MSH6: variants seen among roughly 807,000 people sequenced by gnomAD.
The protein encoded by MSH6 is DNA mismatch repair protein Msh6.
MSH6 carries 85 observed loss-of-function variants against 119.1 expected under a neutral mutation model. The ratio of observed to expected loss-of-function variants is 0.71; its 90% confidence interval spans 0.60 to 0.85. MSH6 has a LOEUF of 0.85. Among genes scored for constraint, MSH6 ranks in the 40% least tolerant of loss-of-function variants. The pLI, the probability that MSH6 is intolerant of heterozygous loss-of-function variation, is 0.00. For synonymous variants in MSH6, 830 were observed against 586.9 expected, an observed-to-expected ratio of 1.41 and a Z score of -5.99; for missense variants, 2,163 against 1,655.3, an observed-to-expected ratio of 1.31 and a Z score of -5.32.
At chr2:47,806,740 A>G in intron 9 of MSH6, 39 bp from the exon 10 acceptor site, 1 of 1,560,728 alleles carries the variant, frequency 6.4e-7, no homozygotes, top group South Asian at 1.1e-5. Context: ...CACTATGAAA[A>G]AACAAAAAAA....
At chr2:47,807,981 A>G (rs1670342756), downstream of MSH6, 3 of 755,322 alleles carry the variant, frequency 4.0e-6, no homozygotes, top group Non-Finnish European at 4.3e-6. Context: ...TGAGCTTCAT[A>G]GTGTCAACTG....
intron 4 of MSH6, among the ~76,000 whole-genome samples, chr2:47,803,106 C>A (rs757341088): frequency 3.9e-5 from 6 of 152,054 alleles, no homozygotes; most frequent in Non-Finnish European, 8.8e-5. Context: ...TTAGTAGAGA[C>A]GAGGTTTCAC....
intron 1 of MSH6, 56 bp from the exon 2 acceptor site, chr2:47,790,871 C>CT (rs1256486151): frequency 1.1e-5 from 17 of 1,536,154 alleles, no homozygotes; most frequent in Non-Finnish European, 1.4e-5. Context: ...AGGTAACTGC[C>CT]TTTAAGGAAA....
chr2:47,793,608 AAAATAAAT>A (rs3136299), intron 2 of MSH6, among the ~76,000 whole-genome samples: 35 of 151,256 alleles, frequency 2.3e-4, no homozygotes, highest in Admixed American at 1.4e-3. Flanking sequence ...CTTCATCTCA[AAAATAAAT>A]AAATAAATAA....
intron 2 of MSH6, among the ~76,000 whole-genome samples, chr2:47,791,494 C>T (rs894652817): frequency 1.3e-5 from 2 of 152,046 alleles, no homozygotes; most frequent in African/African-American, 4.8e-5. Flanking sequence ...TGCGCACTAC[C>T]TGGCCTTCAA....
At chr2:47,809,777 G>T (rs1439235813), downstream of MSH6, 9 of 983,874 alleles carry the variant, frequency 9.1e-6, no homozygotes, top group African/African-American at 1.5e-4. Flanking sequence ...AAATTAGCAA[G>T]CAAATGTAAA....
intron 6 of MSH6, 139 bp downstream of exon 6, chr2:47,805,166 C>G (rs940617536): frequency 1.5e-6 from 1 of 671,408 alleles, no homozygotes; most frequent in Non-Finnish European, 2.6e-6. Context: ...TTTTTAAGAA[C>G]TGCATAGTCT....
At chr2:47,808,345 ACT>A (rs1230294673), downstream of MSH6, 1 of 1,612,274 alleles carries the variant, frequency 6.2e-7, no homozygotes, top group Admixed American at 1.7e-5. Context: ...TGTCTAATAA[ACT>A]CTACATCATG....
intron 1 of MSH6, chr2:47,789,376 C>T: frequency 9.5e-6 from 4 of 421,206 alleles, no homozygotes; most frequent in Non-Finnish European, 1.9e-5. Context: ...TATTTCAAAA[C>T]TGATAATGGT....
Position 47,783,370 on chromosome 2 carries a change from G to C in MSH6, c.137G>C (p.Gly46Ala), listed in dbSNP as rs1572698161. The change falls in exon 1 of 10, where the codon GGG becomes GCG. Residue 46 changes from glycine to alanine, a missense_variant. Transcript: ENST00000234420. The stretch of plus-strand genomic sequence containing the variant: ...CCCGGGGCCTCTCCTTCCCCAGGCG[G>C]GGATGCGGCCTGGAGCGAGGCTGGG... The part of the protein sequence containing the change: ...AAPGASPSPG[G>A]DAAWSEAGPG... 6.2e-7 allele frequency: 1 copy of C among 1,601,970 alleles called. No individual in the cohort carries two copies. The highest frequency in any genetic ancestry group is 8.5e-7 in the Non-Finnish European group (1 of 1,174,484).
intron 1 of MSH6, among the ~76,000 whole-genome samples, chr2:47,788,907 C>CTTTT (rs1558650117): frequency 1.0e-3 from 18 of 17,284 alleles, no homozygotes; most frequent in African/African-American, 1.3e-3. Flanking sequence ...TTTCTTCTTC[C>CTTTT]TTTTTTTTTT....
intron 3 of MSH6, among the ~76,000 whole-genome samples, chr2:47,797,468 T>G (rs1446843320): frequency 6.6e-6 from 1 of 152,246 alleles, no homozygotes; most frequent in East Asian, 1.9e-4. Flanking sequence ...GATATGTGAA[T>G]GTGCTAGGCC....
chr2:47,806,062 C>A, intron 7 of MSH6, 142 bp from the exon 8 acceptor site: 1 of 824,140 alleles, frequency 1.2e-6, no homozygotes, highest in Non-Finnish European at 2.0e-6. Context: ...ACTCGTGTAG[C>A]TAAACAAGGC....
chr2:47,797,544 T>G (rs1264393719), intron 3 of MSH6, among the ~76,000 whole-genome samples: 1 of 152,250 alleles, frequency 6.6e-6, no homozygotes, highest in African/African-American at 2.4e-5. Context: ...TACTGCTTTC[T>G]TATGCTATTA....
intron 4 of MSH6, 129 bp downstream of exon 4, chr2:47,801,284 T>G: frequency 3.1e-6 from 3 of 960,280 alleles, no homozygotes; most frequent in Non-Finnish European, 4.7e-6. Context: ...CATATTTGCA[T>G]CCTGACTAGG....
At chr2:47,788,946 T>TTTTTTTTTTTTTG (rs1553409740) in intron 1 of MSH6, among the ~76,000 whole-genome samples, 5 of 115,828 alleles carry the variant, frequency 4.3e-5, no homozygotes, top group Non-Finnish European at 8.7e-5. Context: ...TTTTTTTTTT[T>TTTTTTTTTTTTTG]TGTGAGACGG....
chr2:47,806,693 A>C, intron 9 of MSH6, 42 bp downstream of exon 9: 17 of 1,589,000 alleles, frequency 1.1e-5, no homozygotes, highest in Non-Finnish European at 1.4e-5. Flanking sequence ...AACTGACCTT[A>C]AGTTTCAAAG....
intron 1 of MSH6, chr2:47,789,521 A>C: frequency 2.3e-6 from 1 of 428,452 alleles, no homozygotes; most frequent in Non-Finnish European, 4.7e-6. Context: ...CTTTTAAAGC[A>C]TGAGACCTCA....
chr2:47,796,372 A>G (rs1022083309), intron 3 of MSH6, among the ~76,000 whole-genome samples: 1 of 152,104 alleles, frequency 6.6e-6, no homozygotes, highest in African/African-American at 2.4e-5. Context: ...ATATGAGGGT[A>G]TAGTCAGGCC....
Sources: allele counts gnomAD v4.1 joint callset (sites outside exome capture counted in the v4.1 genomes callset), GRCh38; gene constraint gnomAD v4.1.1; transcripts MANE v1.5; gene names NCBI Gene and HGNC (gene_info 2026-07-23, HGNC 2026-07-21).